The following ZC3H12B variants were observed in gnomAD, a reference collection of about 807,000 sequenced individuals.
The protein encoded by ZC3H12B is probable ribonuclease ZC3H12B.
Under a neutral mutation model 43.9 loss-of-function variants are expected in ZC3H12B, and 7 were observed. The observed-to-expected ratio is 0.16, with a 90% CI of 0.09 to 0.30. ZC3H12B has a LOEUF of 0.30. Ranked by LOEUF, ZC3H12B falls within the 10% of genes least tolerant of loss-of-function variation. ZC3H12B has a pLI of 1.00. For synonymous variants in ZC3H12B, 222 were observed against 241.7 expected (o/e 0.92, Z 0.76); for missense variants, 475 against 670.2 (o/e 0.71, Z 3.22).
the ZC3H12B span, among the ~76,000 whole-genome samples, chrX:65,260,763 G>T: frequency 1.8e-5 from 2 of 111,662 alleles, no homozygotes; most frequent in Non-Finnish European, 3.8e-5. Context: ...TTACATGGAG[G>T]TTAGTATAAT....
At chrX:65,073,083 G>C in the ZC3H12B span, among the ~76,000 whole-genome samples, 1 of 112,372 alleles carries the variant, frequency 8.9e-6, no homozygotes. Context: ...GAGTGGTGCT[G>C]ACAGGCTCTG....
At chrX:65,073,350 G>T in the ZC3H12B span, among the ~76,000 whole-genome samples, 2 of 112,034 alleles carry the variant, frequency 1.8e-5, no homozygotes, top group Non-Finnish European at 1.9e-5. Context: ...TGTCTGTGGG[G>T]GCCACTCTGC....
intron 3 of ZC3H12B, among the ~76,000 whole-genome samples, chrX:65,467,312 A>G (rs878877071): frequency 9.0e-6 from 1 of 111,008 alleles, no homozygotes; most frequent in African/African-American, 3.3e-5. Context: ...GTAGTATTCC[A>G]TGATATACAG....
chrX:65,317,778 A>G, the ZC3H12B span, among the ~76,000 whole-genome samples: 1 of 103,670 alleles, frequency 9.6e-6, no homozygotes, highest in African/African-American at 3.5e-5. Flanking sequence ...CACTATATAT[A>G]TATATATAAA....
intron 3 of ZC3H12B, among the ~76,000 whole-genome samples, chrX:65,443,301 C>T (rs1228736631): frequency 9.0e-6 from 1 of 111,016 alleles, no homozygotes; most frequent in Non-Finnish European, 1.9e-5. Flanking sequence ...CTCCGGTGCC[C>T]CTTCAACCTG....
the ZC3H12B span, among the ~76,000 whole-genome samples, chrX:65,190,167 T>A: frequency 9.0e-6 from 1 of 110,764 alleles, no homozygotes; most frequent in South Asian, 3.8e-4. Flanking sequence ...ATCTCTGTTT[T>A]GGTACCAGTA....
chrX:65,308,796 C>T, the ZC3H12B span, among the ~76,000 whole-genome samples: 1 of 111,965 alleles, frequency 8.9e-6, no homozygotes, highest in Non-Finnish European at 1.9e-5. Context: ...GTCTCTCAGA[C>T]CACAGAACAA....
chrX:65,411,967 A>T lies in ZC3H12B; in HGVS notation n.407+13263A>T, dbSNP rs867081895. Among the ~76,000 whole-genome samples, 7 of 110,852 alleles carry T rather than the reference A, an allele frequency of 6.3e-5. No homozygotes were observed. The South Asian group carries it at 1.9e-3, about 29-fold the overall frequency. ...TATTACAAATAATAATACATATATA[A>T]TTTTTCAAAATTAACTTATTGAGGT... is the stretch of plus-strand genomic sequence containing the variant. On this transcript the variant is annotated intron_variant and non_coding_transcript_variant, in intron 3 of 5. Transcript: ENST00000617377.
the ZC3H12B span, among the ~76,000 whole-genome samples, chrX:65,161,153 C>T: frequency 9.0e-6 from 1 of 111,200 alleles, no homozygotes; most frequent in African/African-American, 3.3e-5. Context: ...TGTTCTTTTA[C>T]ATTTGCTGAG....
At chrX:65,240,661 T>A in the ZC3H12B span, among the ~76,000 whole-genome samples, 1 of 112,416 alleles carries the variant, frequency 8.9e-6, no homozygotes, top group African/African-American at 3.2e-5. Context: ...GATTTTTTCA[T>A]TTTTCAGCAT....
the ZC3H12B span, among the ~76,000 whole-genome samples, chrX:65,060,919 G>C: frequency 9.0e-6 from 1 of 111,468 alleles, no homozygotes; most frequent in East Asian, 2.8e-4. Context: ...TCGTAGACTT[G>C]TTACTATAGC....
At chrX:65,211,450 A>G in the ZC3H12B span, among the ~76,000 whole-genome samples, 4 of 107,474 alleles carry the variant, frequency 3.7e-5, no homozygotes, top group Non-Finnish European at 7.6e-5. Context: ...GCACCATGCT[A>G]AATTCTTTAA....
At chrX:65,328,891 T>G in the ZC3H12B span, among the ~76,000 whole-genome samples, 7 of 110,268 alleles carry the variant, frequency 6.3e-5, no homozygotes, top group Non-Finnish European at 1.1e-4. Context: ...TCATTTTTTA[T>G]GGCTACATAG....
the ZC3H12B span, among the ~76,000 whole-genome samples, chrX:65,206,802 A>G: frequency 9.0e-6 from 1 of 111,363 alleles, no homozygotes; most frequent in South Asian, 3.7e-4. Context: ...AAGGAACTCA[A>G]AGAAATTAAC....
chrX:65,207,916 G>C, the ZC3H12B span, among the ~76,000 whole-genome samples: 1 of 13,728 alleles, frequency 7.3e-5, no homozygotes, highest in Non-Finnish European at 1.3e-4. Flanking sequence ...TGGATTCCTA[G>C]GTATTTTATT....
the ZC3H12B span, among the ~76,000 whole-genome samples, chrX:65,172,866 C>A: frequency 8.9e-6 from 1 of 111,877 alleles, no homozygotes; most frequent in Admixed American, 9.5e-5. Flanking sequence ...TGTGATGCCT[C>A]CAGCTTTGTT....
At chrX:65,227,085 T>C in the ZC3H12B span, among the ~76,000 whole-genome samples, 1 of 111,510 alleles carries the variant, frequency 9.0e-6, no homozygotes, top group Non-Finnish European at 1.9e-5. Flanking sequence ...ATACATTTTT[T>C]TCAGCACCAC....
intron 2 of ZC3H12B, among the ~76,000 whole-genome samples, chrX:65,378,888 C>A (rs890926085): frequency 8.9e-6 from 1 of 112,431 alleles, no homozygotes; most frequent in Non-Finnish European, 1.9e-5. Flanking sequence ...CCTAATACTG[C>A]GCTTTTCCGA....
At chrX:65,265,703 C>G in the ZC3H12B span, among the ~76,000 whole-genome samples, 1 of 111,860 alleles carries the variant, frequency 8.9e-6, no homozygotes, top group Non-Finnish European at 1.9e-5. Flanking sequence ...GTGAGCACAT[C>G]ATTTGTTGTG....
Sources: allele counts gnomAD v4.1 joint callset (sites outside exome capture counted in the v4.1 genomes callset), GRCh38; gene constraint gnomAD v4.1.1; transcripts MANE v1.5; gene names NCBI Gene and HGNC (gene_info 2026-07-23, HGNC 2026-07-21).